RBFOX1: variants seen among roughly 807,000 people sequenced by gnomAD.
RBFOX1 encodes RNA binding fox-1 homolog 1, also known as RNA binding protein fox-1 homolog 1.
In RBFOX1, 8 loss-of-function variants were observed where a neutral mutation model predicts 57.7. The ratio of observed to expected loss-of-function variants is 0.14; its 90% CI spans 0.08 to 0.25. The LOEUF (loss-of-function observed/expected upper bound fraction) is 0.25. Among genes scored for constraint, RBFOX1 ranks in the 10% least tolerant of loss-of-function variants. RBFOX1 has a pLI of 1.00. For synonymous variants in RBFOX1, 326 were observed against 222.4 expected (o/e 1.47, Z -4.15); for missense variants, 611 against 548.5 (o/e 1.11, Z -1.14).
chr16:5,667,448 G>A (rs1307586794), intron 3 of RBFOX1, among the ~76,000 whole-genome samples: 1 of 152,158 alleles, frequency 6.6e-6, no homozygotes. Flanking sequence ...TTTAAAATTA[G>A]CAAGTATGCA....
chr16:6,994,279 G>T (rs905519162), intron 3 of RBFOX1, among the ~76,000 whole-genome samples: 2 of 152,134 alleles, frequency 1.3e-5, no homozygotes, highest in Non-Finnish European at 2.9e-5. Context: ...TCTGCCTTCC[G>T]ACTTAATGAA....
chr16:5,834,217 C>T (rs917754665), intron 3 of RBFOX1, among the ~76,000 whole-genome samples: 2 of 152,284 alleles, frequency 1.3e-5, no homozygotes, highest in African/African-American at 4.8e-5. Flanking sequence ...GTGTACTTCT[C>T]ATCTGAATAG....
intron 3 of RBFOX1, among the ~76,000 whole-genome samples, chr16:6,943,526 G>T (rs989913058): frequency 6.6e-6 from 1 of 152,000 alleles, no homozygotes; most frequent in African/African-American, 2.4e-5. Context: ...GACTAACATG[G>T]TGAAACCCCA....
chr16:6,816,847 C>G (rs1027319062), intron 3 of RBFOX1, among the ~76,000 whole-genome samples: 1 of 151,974 alleles, frequency 6.6e-6, no homozygotes, highest in Non-Finnish European at 1.5e-5. Flanking sequence ...TGGGCTCAAA[C>G]AGTCCTCCCA....
At chr16:6,171,577 A>T (rs956457251) in intron 1 of RBFOX1, among the ~76,000 whole-genome samples, 1 of 152,178 alleles carries the variant, frequency 6.6e-6, no homozygotes, top group Non-Finnish European at 1.5e-5. Context: ...TCTTGCCATG[A>T]ACATATGATA....
chr16:6,329,497 A>T (rs1452583625), intron 2 of RBFOX1, among the ~76,000 whole-genome samples: 1 of 152,222 alleles, frequency 6.6e-6, no homozygotes, highest in Non-Finnish European at 1.5e-5. Context: ...ACTCTGAGAC[A>T]AAAGTTCCAG....
intron 3 of RBFOX1, among the ~76,000 whole-genome samples, chr16:5,860,055 C>T (rs1377330560): frequency 6.6e-6 from 1 of 152,150 alleles, no homozygotes; most frequent in African/African-American, 2.4e-5. Flanking sequence ...GCCCAGAGAG[C>T]AGCCCAGTAG....
intron 2 of RBFOX1, among the ~76,000 whole-genome samples, chr16:5,578,190 T>C (rs2046533652): frequency 6.6e-6 from 1 of 152,160 alleles, no homozygotes; most frequent in African/African-American, 2.4e-5. Context: ...GACCTCGTGA[T>C]CCACCCACCT....
Position 7,470,623 on chromosome 16 carries a change from G to C in RBFOX1, c.28-47524G>C, listed in dbSNP as rs559202561. The stretch of plus-strand genomic sequence containing the variant: ...GGATGGATGGATGGTTGGATGGTTA[G>C]GTGGGTGAATGAGTGAGTGGATAGA... On this transcript the variant is annotated intron_variant, in intron 4 of 15. Coordinates refer to ENST00000550418, the MANE Select transcript of RBFOX1 (RefSeq NM_018723.4). Among the ~76,000 whole-genome samples, 5 of 152,240 alleles carry C rather than the reference G, an allele frequency of 3.3e-5. No homozygotes were observed. In the South Asian group the frequency reaches 1.0e-3, roughly 32 times the overall value.
At chr16:6,511,975 G>A (rs1051155662) in intron 2 of RBFOX1, among the ~76,000 whole-genome samples, 2 of 152,054 alleles carry the variant, frequency 1.3e-5, no homozygotes, top group Non-Finnish European at 2.9e-5. Flanking sequence ...TACCCCTACA[G>A]GGATAAGAGA....
Position 6,512,283 on chromosome 16 carries a change from C to CAAA in RBFOX1, c.-63-142306_-63-142304dup, listed in dbSNP as rs565248640. Among the ~76,000 whole-genome samples the CAAA allele has an allele frequency of 3.7e-4, 32 of 86,954 alleles. 1 individual carries two copies. The highest frequency in any genetic ancestry group is 3.5e-3 in the East Asian group (9 of 2,550). The allele number at this position is 86,954 out of a possible 152,430, so 57.0% of individuals were successfully genotyped here. A position where few individuals can be genotyped will look rare whatever the true frequency, so the allele number is the denominator to read the frequency against. On this transcript the variant is annotated intron_variant, in intron 2 of 15. Coordinates refer to ENST00000550418, the MANE Select transcript of RBFOX1 (RefSeq NM_018723.4). ...TGGGTAACAGAGCAAGACCCTGTAT[C>CAAA]AAAAAAAAAAAAAAAAGGTAAGAGA...
intron 2 of RBFOX1, among the ~76,000 whole-genome samples, chr16:6,440,672 G>A (rs185007480): frequency 6.6e-6 from 1 of 151,916 alleles, no homozygotes; most frequent in African/African-American, 2.4e-5. Context: ...GTGGTACTGG[G>A]CATCTGTAGT....
At chr16:7,122,933 AG>A in intron 4 of RBFOX1, among the ~76,000 whole-genome samples, 1 of 152,286 alleles carries the variant, frequency 6.6e-6, no homozygotes, top group South Asian at 2.1e-4. Context: ...TGCTAAGAGA[AG>A]GAAGCCAGTC....
chr16:5,650,445 A>G lies in RBFOX1; in HGVS notation c.318+51484A>G, dbSNP rs149525126. 7.3e-3 allele frequency among the ~76,000 whole-genome samples: 1,118 copies of G among 152,244 alleles called. 13 individuals are homozygous for G. Among genetic ancestry groups the G allele is most frequent in the African/African-American group, 0.025 (1,053 of 41,542 alleles). On this transcript the variant is annotated intron_variant, in intron 3 of 19. Coordinates refer to the RBFOX1 transcript ENST00000641259. ...GAGGCAACCTGGATGCCCAGTCTGC[A>G]TTTTTAGAGACAGAAATGGAAAATA...
intron 4 of RBFOX1, among the ~76,000 whole-genome samples, chr16:6,009,440 A>T (rs1390960717): frequency 2.6e-5 from 4 of 152,226 alleles, no homozygotes; most frequent in African/African-American, 9.6e-5. Context: ...CTAATACATT[A>T]CATCACTGTT....
intron 3 of RBFOX1, among the ~76,000 whole-genome samples, chr16:7,046,202 T>G (rs1198854744): frequency 6.6e-6 from 1 of 151,884 alleles, no homozygotes; most frequent in Non-Finnish European, 1.5e-5. Context: ...CATTTTGACT[T>G]AATTTTTGTA....
chr16:5,388,593 C>T (rs58837152), intron 1 of RBFOX1, among the ~76,000 whole-genome samples: 6,352 of 151,948 alleles, frequency 0.042, 459 homozygotes, highest in African/African-American at 0.15. Context: ...TATATATTTA[C>T]TGAGACAGAG....
intron 3 of RBFOX1, among the ~76,000 whole-genome samples, chr16:6,691,467 A>AT (rs34771627): frequency 0.5 from 75,651 of 151,560 alleles, 22,128 homozygotes; most frequent in Non-Finnish European, 0.64. Flanking sequence ...CTTTTTCTTT[A>AT]TTTTTTTTGT....
At chr16:5,743,630 A>T (rs774320790) in intron 3 of RBFOX1, among the ~76,000 whole-genome samples, 1 of 152,236 alleles carries the variant, frequency 6.6e-6, no homozygotes, top group Non-Finnish European at 1.5e-5. Context: ...CTGGGAAATT[A>T]AAAAATCACA....
Sources: allele counts gnomAD v4.1 joint callset (sites outside exome capture counted in the v4.1 genomes callset), GRCh38; gene constraint gnomAD v4.1.1; transcripts MANE v1.5; gene names NCBI Gene and HGNC (gene_info 2026-07-23, HGNC 2026-07-21).